The following WIPF2 variants were observed in gnomAD, a reference collection of about 807,000 sequenced individuals.
The protein encoded by WIPF2 is WAS/WASL-interacting protein family member 2.
In WIPF2, 23 loss-of-function variants were observed where a neutral mutation model predicts 38.8. The ratio of observed to expected loss-of-function variants is 0.59; its 90% CI spans 0.43 to 0.84. WIPF2 has a LOEUF of 0.84. Ranked by LOEUF, WIPF2 falls within the 40% of genes least tolerant of loss-of-function variation. WIPF2 has a pLI of 0.00. For missense variants in WIPF2, 574 were observed against 580.5 expected (o/e 0.99, Z 0.11); for synonymous variants, 210 against 223.2 (o/e 0.94, Z 0.53).
chr17:40,248,992 G>A (rs1404645273), intron 1 of WIPF2, among the ~76,000 whole-genome samples: 1 of 152,040 alleles, frequency 6.6e-6, no homozygotes, highest in African/African-American at 2.4e-5. Flanking sequence ...GAGGTGGCCT[G>A]TTTTTTTAAG....
chr17:40,247,518 CTT>C (rs1193614788), intron 1 of WIPF2, among the ~76,000 whole-genome samples: 1 of 135,162 alleles, frequency 7.4e-6, no homozygotes, highest in Non-Finnish European at 1.6e-5. Context: ...CGCGCCTGGC[CTT>C]TTTTTTTTTT....
At chr17:40,227,002 A>G (rs1001979498) in intron 1 of WIPF2, among the ~76,000 whole-genome samples, 7 of 151,682 alleles carry the variant, frequency 4.6e-5, no homozygotes, top group Non-Finnish European at 1.0e-4. Flanking sequence ...CAGCCTCCCA[A>G]AGTGCTGGGA....
intron 1 of WIPF2, among the ~76,000 whole-genome samples, chr17:40,248,618 A>G (rs1370146400): frequency 6.6e-6 from 1 of 152,104 alleles, no homozygotes; most frequent in Non-Finnish European, 1.5e-5. Context: ...CTTTCTACCA[A>G]ACATTTATGT....
chr17:40,231,964 G>A (rs2030761413), intron 1 of WIPF2, among the ~76,000 whole-genome samples: 1 of 144,832 alleles, frequency 6.9e-6, no homozygotes, highest in South Asian at 2.2e-4. Flanking sequence ...GCAGTTAGTG[G>A]CATTACATTG....
chr17:40,248,655 T>G (rs1479114473), intron 1 of WIPF2, among the ~76,000 whole-genome samples: 1 of 152,188 alleles, frequency 6.6e-6, no homozygotes, highest in African/African-American at 2.4e-5. Flanking sequence ...TTAGAGAGAT[T>G]TCATTTGATT....
chr17:40,234,574 A>G (rs767034116), intron 1 of WIPF2, among the ~76,000 whole-genome samples: 3 of 152,144 alleles, frequency 2.0e-5, no homozygotes, highest in Non-Finnish European at 4.4e-5. Flanking sequence ...GCAGTAAGCC[A>G]TGATCACACC....
chr17:40,221,342 A>G (rs909008595), intron 1 of WIPF2, among the ~76,000 whole-genome samples: 2 of 152,080 alleles, frequency 1.3e-5, no homozygotes, highest in East Asian at 1.9e-4. Flanking sequence ...CCTTTGAAAT[A>G]TAGGTTTTCT....
chr17:40,257,644 G>T (rs574621149), intron 2 of WIPF2, among the ~76,000 whole-genome samples: 1 of 151,590 alleles, frequency 6.6e-6, no homozygotes, highest in African/African-American at 2.4e-5. Context: ...CACTCAGGAG[G>T]CTGAAGCGGG....
intron 7 of WIPF2, among the ~76,000 whole-genome samples, chr17:40,277,723 CTTTT>C (rs528401568): frequency 7.2e-5 from 7 of 97,624 alleles, no homozygotes; most frequent in East Asian, 6.3e-4. Flanking sequence ...CTTCGTTGTC[CTTTT>C]TTTTTTTTTT....
At chr17:40,238,630 TG>T (rs1179998351) in intron 1 of WIPF2, among the ~76,000 whole-genome samples, 12 of 151,980 alleles carry the variant, frequency 7.9e-5, no homozygotes, top group Non-Finnish European at 5.9e-5. Flanking sequence ...ATTATTTTTT[TG>T]AGACAGAATC....
chr17:40,276,536 A>AAT (rs1161652735), intron 6 of WIPF2, among the ~76,000 whole-genome samples: 4 of 151,744 alleles, frequency 2.6e-5, no homozygotes, highest in African/African-American at 9.7e-5. Context: ...AAAAAAAAAA[A>AAT]AAAAAAAGAA....
At chr17:40,275,904 C>T (rs1043091635) in intron 6 of WIPF2, among the ~76,000 whole-genome samples, 4 of 152,178 alleles carry the variant, frequency 2.6e-5, no homozygotes, top group African/African-American at 9.7e-5. Flanking sequence ...TACCTACCCA[C>T]TGTCCTCCAT....
rs1449294623 is a variant in WIPF2, at chr17:40,256,361, G to A, written c.-69-30G>A. ...GGCACTTGTATCTAATGGTAAAGCT[G>A]TTCTTAATGAGTTTCTTTTTCATTT... On this transcript the variant is annotated intron_variant, in intron 1 of 7. Transcript: ENST00000323571. The A allele has an allele frequency of 4.5e-6, 7 of 1,543,566 alleles. No homozygotes were observed. In the East Asian group the frequency reaches 1.7e-4, roughly 38 times the overall value.
At position 40,277,065 on chromosome 17, in the gene WIPF2, G is replaced by T; in HGVS notation, c.1181-18G>T. The stretch of plus-strand genomic sequence containing the variant: ...ACAAGCAAGGATGATAGGAATTAAT[G>T]TTCTATTCTTTTCGCAGATGATTTT... On this transcript the variant is annotated intron_variant, in intron 6 of 7. Transcript: ENST00000323571. 3 of 1,597,916 alleles carry T rather than the reference G, an allele frequency of 1.9e-6. No individual in the cohort carries two copies. The highest frequency in any genetic ancestry group is 2.6e-6 in the Non-Finnish European group (3 of 1,167,862).
intron 1 of WIPF2, among the ~76,000 whole-genome samples, chr17:40,224,930 T>C (rs74436526): frequency 0.04 from 6,037 of 151,988 alleles, 279 homozygotes; most frequent in African/African-American, 0.11. Flanking sequence ...AGTAGGCTCT[T>C]GTTGCTACTA....
At chr17:40,270,614 A>C (rs1204601269) in intron 5 of WIPF2, among the ~76,000 whole-genome samples, 1 of 152,130 alleles carries the variant, frequency 6.6e-6, no homozygotes, top group African/African-American at 2.4e-5. Flanking sequence ...GAGTAGATAC[A>C]AATTCTCAGG....
chr17:40,250,217 A>ATTT lies in WIPF2; in HGVS notation c.-69-6173_-69-6172insTTT, dbSNP rs1567716394. Among the ~76,000 whole-genome samples, 18 of 80,302 alleles carry ATTT rather than the reference A, an allele frequency of 2.2e-4. 1 individual carries two copies. Among genetic ancestry groups the ATTT allele is most frequent in the African/African-American group, 7.4e-4 (15 of 20,160 alleles). 52.7% of individuals were successfully genotyped at this position (80,302 alleles called of 152,430 possible). A position where few individuals can be genotyped will look rare whatever the true frequency, so the allele number is the denominator to read the frequency against. ...GAGGATGTGCAAAGCGAATTTTATC[A>ATTT]TGTTTTTTTTTTTTTTTTTTTTTTT... On this transcript the variant is annotated intron_variant, in intron 1 of 7. Transcript: ENST00000323571.
Position 40,282,052 on chromosome 17 carries a change from A to T in WIPF2, c.*3827A>T, listed in dbSNP as rs370013461. The T allele has an allele frequency of 6.6e-6, 1 of 151,090 alleles. No individual in the cohort carries two copies. Among genetic ancestry groups the T allele is most frequent in the East Asian group, 2.0e-4 (1 of 5,102 alleles). The allele number at this position is 151,090 out of a possible 1,614,324, so 9.4% of individuals were successfully genotyped here. A position where few individuals can be genotyped will look rare whatever the true frequency, so the allele number is the denominator to read the frequency against. ...GGAGGGCCATTACAACTCTGCCTTC[A>T]AGACTCATCTCTTAAAAACAAAACG... On this transcript the variant is annotated 3_prime_UTR_variant, in exon 8 of 8. Transcript: ENST00000323571.
At chr17:40,250,167 G>A (rs2031505760) in intron 1 of WIPF2, among the ~76,000 whole-genome samples, 1 of 131,496 alleles carries the variant, frequency 7.6e-6, no homozygotes, top group African/African-American at 2.8e-5. Flanking sequence ...ACTCTCTGGT[G>A]TTTATTTTTA....
Sources: allele counts gnomAD v4.1 joint callset (sites outside exome capture counted in the v4.1 genomes callset), GRCh38; gene constraint gnomAD v4.1.1; transcripts MANE v1.5; gene names NCBI Gene and HGNC (gene_info 2026-07-23, HGNC 2026-07-21).